CTIF: variants seen among roughly 807,000 people sequenced by gnomAD.
CTIF encodes CBP80/20-dependent translation initiation factor.
CTIF carries 21 observed loss-of-function variants against 66.0 expected under a neutral mutation model. The ratio of observed to expected loss-of-function variants is 0.32; its 90% confidence interval spans 0.23 to 0.46. The LOEUF is 0.46. Ranked by LOEUF, CTIF falls within the 20% of genes least tolerant of loss-of-function variation. The probability of loss-of-function intolerance (pLI) is 1.00; values close to 1 mark genes in which losing one functional copy is unlikely to be tolerated. For synonymous variants in CTIF, 345 were observed against 326.4 expected (o/e 1.06, Z -0.62); for missense variants, 739 against 812.7 (o/e 0.91, Z 1.10).
In CTIF at chr18:48,761,983, G is replaced by A. The variant is rs1160182633; in HGVS notation, c.1371+294G>A. ...TATTTTCATAAGAGGCTGGCTCTTG[G>A]TCTCAACCTGGCTATGTGCTTTGAC... On this transcript the variant is annotated intron_variant, in intron 9 of 11. Transcript: ENST00000256413. This position sits in a 1 kb window ranked among gnomAD's most constrained non-coding sequence, Gnocchi z 4.2. Among the ~76,000 whole-genome samples the A allele has an allele frequency of 6.6e-6, 1 of 152,186 alleles. No homozygotes were observed. Among genetic ancestry groups the A allele is most frequent in the Non-Finnish European group, 1.5e-5 (1 of 68,030 alleles).
Position 48,862,760 on chromosome 18 carries a change from A to AGAC in CTIF, c.*3202_*3204dup, listed in dbSNP as rs2069504874. 1 of 152,356 alleles carries AGAC rather than the reference A, an allele frequency of 6.6e-6. No individual in the cohort carries two copies. The highest frequency in any genetic ancestry group is 2.4e-5 in the African/African-American group (1 of 41,466). The allele number at this position is 152,356 out of a possible 1,614,324, so 9.4% of individuals were successfully genotyped here. ...GGGGCAGCTGTAGGGGCGGGGGCCCAGACAGCCAGGCCGCCACCAGAGCAG... is the reference window on the plus strand; with the variant it reads ...GGGGCAGCTGTAGGGGCGGGGGCCCAGACGACAGCCAGGCCGCCACCAGAGCAG... On this transcript the variant is annotated 3_prime_UTR_variant, in exon 12 of 12. Coordinates refer to ENST00000256413, the MANE Select transcript of CTIF (RefSeq NM_014772.3).
intron 5 of CTIF, 171 bp from the exon 6 acceptor site, chr18:48,670,498 A>C: frequency 8.7e-6 from 5 of 573,118 alleles, no homozygotes; most frequent in South Asian, 2.0e-5. Flanking sequence ...CCCCCCCCAC[A>C]CACACACAGC....
chr18:48,782,246 G>T (rs1911302806), intron 9 of CTIF, among the ~76,000 whole-genome samples: 1 of 151,840 alleles, frequency 6.6e-6, no homozygotes, highest in South Asian at 2.1e-4. Context: ...GGTGGCCTGG[G>T]TTGGGCATGG....
intron 1 of CTIF, among the ~76,000 whole-genome samples, chr18:48,549,742 G>A (rs2088838736): frequency 6.6e-6 from 1 of 152,188 alleles, no homozygotes; most frequent in Admixed American, 6.5e-5. Flanking sequence ...GAAGAGAAAC[G>A]GGTCAGTACC....
chr18:48,734,390 AC>A (rs1173776084), intron 7 of CTIF, among the ~76,000 whole-genome samples: 24 of 152,186 alleles, frequency 1.6e-4, no homozygotes, highest in African/African-American at 5.5e-4. Flanking sequence ...ACATGGTGAA[AC>A]CCCGTCTCTA....
At chr18:48,743,283 C>T (rs1023061681) in intron 7 of CTIF, among the ~76,000 whole-genome samples, 8 of 152,208 alleles carry the variant, frequency 5.3e-5, no homozygotes, top group Admixed American at 5.2e-4. Flanking sequence ...AGCCAAGGCC[C>T]TCCTCACTCA....
Position 48,817,074 on chromosome 18 carries a change from A to G in CTIF, c.1372-147A>G, listed in dbSNP as rs576001850. On this transcript the variant is annotated intron_variant, in intron 9 of 11. Coordinates refer to ENST00000256413, the MANE Select transcript of CTIF (RefSeq NM_014772.3). ...GGTGGTCCCAGCCACAGAGAGTGCA[A>G]TCACGCACCCCCATCCTCATTTAAA... The G allele has an allele frequency of 2.0e-5, 15 of 752,544 alleles. 1 individual carries two copies. Among genetic ancestry groups the G allele is most frequent in the Middle Eastern group, 3.9e-4 (1 of 2,578 alleles). 46.6% of individuals were successfully genotyped at this position (752,544 alleles called of 1,614,324 possible).
chr18:48,575,855 A>G (rs1309545096), intron 1 of CTIF, among the ~76,000 whole-genome samples: 4 of 152,262 alleles, frequency 2.6e-5, no homozygotes, highest in African/African-American at 9.6e-5. Context: ...TCTCCAAGGT[A>G]AACTGTTGGA....
intron 1 of CTIF, among the ~76,000 whole-genome samples, chr18:48,573,789 A>C (rs1184745267): frequency 6.6e-6 from 1 of 152,202 alleles, no homozygotes; most frequent in Non-Finnish European, 1.5e-5. Flanking sequence ...GGCCATTCGC[A>C]GTGTGCCATC....
intron 2 of CTIF, among the ~76,000 whole-genome samples, chr18:48,634,428 T>C (rs565951079): frequency 2.4e-4 from 37 of 152,298 alleles, no homozygotes; most frequent in African/African-American, 8.2e-4. Flanking sequence ...ATACAAAGAA[T>C]TGATTACTCC....
intron 1 of CTIF, among the ~76,000 whole-genome samples, chr18:48,576,091 G>A (rs573769028): frequency 5.9e-5 from 9 of 152,366 alleles, no homozygotes; most frequent in South Asian, 2.1e-4. Flanking sequence ...GGGCAGCGGC[G>A]CCTGTGTACA....
intron 7 of CTIF, among the ~76,000 whole-genome samples, chr18:48,752,718 T>C (rs1424449918): frequency 6.6e-6 from 1 of 152,198 alleles, no homozygotes; most frequent in Non-Finnish European, 1.5e-5. Context: ...CTGTGCAGGC[T>C]GCCATACCCC....
intron 6 of CTIF, among the ~76,000 whole-genome samples, chr18:48,693,497 C>G (rs1207355639): frequency 1.3e-5 from 2 of 152,168 alleles, no homozygotes; most frequent in South Asian, 4.1e-4. Flanking sequence ...ACTGAGCAAC[C>G]AGGGCTGAGA....
intron 1 of CTIF, among the ~76,000 whole-genome samples, chr18:48,618,147 C>G (rs1598746943): frequency 6.6e-6 from 1 of 152,350 alleles, no homozygotes; most frequent in East Asian, 1.9e-4. Context: ...CTGCTTTGGA[C>G]TCGCTGCAGT....
rs569632177 is a variant in CTIF at position 48,634,822 on chromosome 18, G to T, written c.181-1792G>T. Among the ~76,000 whole-genome samples the T allele has an allele frequency of 3.3e-5, 5 of 152,332 alleles. No individual in the cohort carries two copies. In the East Asian group the frequency reaches 5.8e-4, roughly 18 times the overall value. On this transcript the variant is annotated intron_variant, in intron 2 of 11. Transcript: ENST00000256413. ...GACCCTTATGGTAGCCACAGGCCAC[G>T]CATGGCTCTTGAAATGTGGCTCATC...
intron 7 of CTIF, among the ~76,000 whole-genome samples, chr18:48,735,207 G>A (rs1421557828): frequency 6.6e-6 from 1 of 152,184 alleles, no homozygotes; most frequent in African/African-American, 2.4e-5. Flanking sequence ...CCTGGAGGAG[G>A]TGGAACCTGA....
chr18:48,714,180 G>A (rs1410671836), intron 7 of CTIF, among the ~76,000 whole-genome samples: 2 of 152,208 alleles, frequency 1.3e-5, no homozygotes, highest in African/African-American at 4.8e-5. Flanking sequence ...TAGTAGCCTT[G>A]CTAAGTGTCA....
At chr18:48,801,687 C>T (rs569844517) in intron 9 of CTIF, among the ~76,000 whole-genome samples, 22 of 152,256 alleles carry the variant, frequency 1.4e-4, no homozygotes, top group Admixed American at 9.8e-4. Context: ...GCCAGTCTTC[C>T]GGACAATTTC....
chr18:48,632,236 G>T (rs1411646140), intron 2 of CTIF, among the ~76,000 whole-genome samples: 1 of 152,198 alleles, frequency 6.6e-6, no homozygotes, highest in Non-Finnish European at 1.5e-5. Context: ...GCTGGGCTGG[G>T]GTTTGAGATG....
Sources: allele counts gnomAD v4.1 joint callset (sites outside exome capture counted in the v4.1 genomes callset), GRCh38; gene constraint gnomAD v4.1.1; non-coding constraint Gnocchi (gnomAD v3.1); transcripts MANE v1.5; gene names NCBI Gene and HGNC (gene_info 2026-07-23, HGNC 2026-07-21).